FBXL7: variants seen among roughly 807,000 people sequenced by gnomAD.
The protein encoded by FBXL7 is F-box/LRR-repeat protein 7.
In FBXL7, 12 loss-of-function variants were observed where a neutral mutation model predicts 38.3. The observed-to-expected ratio is 0.31, with a 90% CI of 0.20 to 0.51. The LOEUF (loss-of-function observed/expected upper bound fraction) is 0.51, where lower values mean the gene tolerates loss of function less well. Among genes scored for constraint, FBXL7 ranks in the 20% least tolerant of loss-of-function variants. The pLI, the probability that FBXL7 is intolerant of heterozygous loss-of-function variation, is 0.98. For missense variants in FBXL7, 567 were observed against 676.4 expected (o/e 0.84, Z 1.79); for synonymous variants, 297 against 300.9 (o/e 0.99, Z 0.13).
chr5:15,869,429 G>T (rs79849069), intron 2 of FBXL7, among the ~76,000 whole-genome samples: 8,161 of 152,160 alleles, frequency 0.054, 729 homozygotes, highest in African/African-American at 0.19. Context: ...GCCGACACAT[G>T]TGGCCCTGGT....
intron 2 of FBXL7, among the ~76,000 whole-genome samples, chr5:15,623,762 G>A (rs1198559727): frequency 6.6e-6 from 1 of 152,124 alleles, no homozygotes; most frequent in Non-Finnish European, 1.5e-5. Flanking sequence ...AAACATTTTT[G>A]AGACAATTAT....
At chr5:15,718,252 T>C (rs908596339) in intron 2 of FBXL7, among the ~76,000 whole-genome samples, 1 of 152,188 alleles carries the variant, frequency 6.6e-6, no homozygotes, top group African/African-American at 2.4e-5. Flanking sequence ...TATAGATGTT[T>C]ATTGTACTCT....
At chr5:15,674,911 T>A (rs535883581) in intron 2 of FBXL7, among the ~76,000 whole-genome samples, 29 of 152,332 alleles carry the variant, frequency 1.9e-4, no homozygotes, top group African/African-American at 6.7e-4. Context: ...ATTCCAGGAC[T>A]GACCTCAAGA....
At chr5:15,540,754 T>C (rs959267586) in intron 1 of FBXL7, among the ~76,000 whole-genome samples, 7 of 152,096 alleles carry the variant, frequency 4.6e-5, no homozygotes, top group Non-Finnish European at 1.0e-4. Context: ...GGTTGCAGAT[T>C]GCTATTTTCT....
intron 1 of FBXL7, among the ~76,000 whole-genome samples, chr5:15,524,157 A>G (rs2126379470): frequency 6.6e-6 from 1 of 152,338 alleles, no homozygotes; most frequent in East Asian, 1.9e-4. Context: ...GTCCACTAAG[A>G]AGCATGTGCG....
intron 2 of FBXL7, among the ~76,000 whole-genome samples, chr5:15,872,331 G>A (rs908904035): frequency 3.3e-5 from 5 of 152,130 alleles, no homozygotes; most frequent in Non-Finnish European, 7.3e-5. Context: ...ATACCAACTT[G>A]TAAAGACCAT....
chr5:15,762,414 A>G (rs1205274019), intron 2 of FBXL7, among the ~76,000 whole-genome samples: 1 of 152,076 alleles, frequency 6.6e-6, no homozygotes, highest in Non-Finnish European at 1.5e-5. Context: ...GGATGAAGGG[A>G]TCACTAAGAT....
At chr5:15,705,644 A>G (rs1248152301) in intron 2 of FBXL7, among the ~76,000 whole-genome samples, 1 of 151,494 alleles carries the variant, frequency 6.6e-6, no homozygotes, top group Non-Finnish European at 1.5e-5. Context: ...AATAATATAC[A>G]ACATAAATCA....
intron 2 of FBXL7, among the ~76,000 whole-genome samples, chr5:15,879,773 T>C (rs1032014020): frequency 6.6e-6 from 1 of 152,156 alleles, no homozygotes; most frequent in Non-Finnish European, 1.5e-5. Context: ...GGAGTAGAGC[T>C]AGAGTGAGTA....
chr5:15,609,747 C>T (rs957096560), intron 1 of FBXL7, among the ~76,000 whole-genome samples: 32 of 152,180 alleles, frequency 2.1e-4, no homozygotes, highest in Non-Finnish European at 3.2e-4. Flanking sequence ...CTGTGCTACC[C>T]GGCAGCTTGA....
chr5:15,679,082 C>G (rs1012456096), intron 2 of FBXL7, among the ~76,000 whole-genome samples: 6 of 152,214 alleles, frequency 3.9e-5, no homozygotes, highest in Non-Finnish European at 5.9e-5. Flanking sequence ...ATTGCATTGT[C>G]TCTTTCAATT....
In FBXL7 at chr5:15,760,269, A is replaced by G. The variant is rs141726845; in HGVS notation, c.127+144197A>G. On this transcript the variant is annotated intron_variant, in intron 2 of 3. Coordinates refer to ENST00000504595, the MANE Select transcript of FBXL7 (RefSeq NM_012304.5). ...AACCATAGCTGATCATTCTGCAGTT[A>G]TTCATGTCATAGGAAAATGATTAGC... 2.3e-3 allele frequency among the ~76,000 whole-genome samples: 354 copies of G among 152,176 alleles called. 3 individuals carry two copies. The highest frequency in any genetic ancestry group is 8.1e-3 in the African/African-American group (337 of 41,508).
At chr5:15,691,470 C>G (rs768481478) in intron 2 of FBXL7, among the ~76,000 whole-genome samples, 2 of 152,206 alleles carry the variant, frequency 1.3e-5, no homozygotes, top group Non-Finnish European at 2.9e-5. Flanking sequence ...TTCTCCTGCC[C>G]TCCCTTTCCT....
At chr5:15,673,778 TA>T (rs1006800026) in intron 2 of FBXL7, among the ~76,000 whole-genome samples, 7 of 151,524 alleles carry the variant, frequency 4.6e-5, no homozygotes, top group Admixed American at 6.6e-5. Flanking sequence ...TTATTATTAT[TA>T]TTTTTTTTTT....
chr5:15,621,524 A>G (rs1740641094), intron 2 of FBXL7, among the ~76,000 whole-genome samples: 1 of 152,206 alleles, frequency 6.6e-6, no homozygotes, highest in Non-Finnish European at 1.5e-5. Context: ...AGCACACAGC[A>G]GAGCATGTTG....
chr5:15,919,434 T>A (rs1741683884), intron 2 of FBXL7, among the ~76,000 whole-genome samples: 1 of 152,218 alleles, frequency 6.6e-6, no homozygotes, highest in Non-Finnish European at 1.5e-5. Context: ...TTTAGGATTT[T>A]TTTTCCCCAG....
Position 15,656,555 on chromosome 5 carries a change from G to A in FBXL7, c.127+40483G>A, listed in dbSNP as rs141022644. On this transcript the variant is annotated intron_variant, in intron 2 of 3. Coordinates refer to ENST00000504595, the MANE Select transcript of FBXL7 (RefSeq NM_012304.5). ...CCATGAGAACAGTATGGTGGAAACT[G>A]CCCCCATGATTCAGTTATCTCCCAC... Among the ~76,000 whole-genome samples, 212 of 152,190 alleles carry A rather than the reference G, an allele frequency of 1.4e-3. 1 individual carries two copies. In the East Asian group the frequency reaches 0.033, roughly 24 times the overall value.
chr5:15,650,597 A>C (rs1741675310), intron 2 of FBXL7, among the ~76,000 whole-genome samples: 1 of 152,242 alleles, frequency 6.6e-6, no homozygotes, highest in Non-Finnish European at 1.5e-5. Flanking sequence ...CATATTATCC[A>C]CAGTAGAACT....
intron 2 of FBXL7, among the ~76,000 whole-genome samples, chr5:15,916,077 T>G (rs893305075): frequency 2.6e-5 from 4 of 152,206 alleles, no homozygotes; most frequent in African/African-American, 9.6e-5. Flanking sequence ...CAAAGGATAT[T>G]GATGAGTTCA....
Sources: allele counts gnomAD v4.1 joint callset (sites outside exome capture counted in the v4.1 genomes callset), GRCh38; gene constraint gnomAD v4.1.1; transcripts MANE v1.5; gene names NCBI Gene and HGNC (gene_info 2026-07-23, HGNC 2026-07-21).